Variants in IFFO1 observed in about 807,000 individuals in gnomAD.
IFFO1 encodes the protein non-homologous end joining factor IFFO1.
A neutral mutation model predicts 59.6 loss-of-function variants in IFFO1; 42 were observed. The ratio of observed to expected loss-of-function variants is 0.70; its 90% CI spans 0.55 to 0.91. The LOEUF (loss-of-function observed/expected upper bound fraction) is 0.91. IFFO1 is among the 40% of genes least tolerant of loss of function. The probability of loss-of-function intolerance (pLI) is 0.00; values close to 1 mark genes in which losing one functional copy is unlikely to be tolerated. For missense variants in IFFO1, 711 were observed against 793.2 expected, an observed-to-expected ratio of 0.90 and a Z score of 1.24; for synonymous variants, 336 against 342.8, an observed-to-expected ratio of 0.98 and a Z score of 0.22.
rs780561596 is a variant in IFFO1 at position 6,555,209 on chromosome 12, G to T, written c.773+48C>A. 6.3e-7 allele frequency: 1 copy of T among 1,586,914 alleles called. No individual in the cohort carries two copies. On this transcript the variant is annotated intron_variant, in intron 1 of 9. Transcript: ENST00000619571. This position sits in a 1 kb window ranked among gnomAD's most constrained non-coding sequence, Gnocchi z 8.6. ...AACCCACACCAACTCGCGGCCCGTT[G>T]TGAGTGGTATGACACAGAGAGACCT... is the stretch of plus-strand genomic sequence containing the variant.
chr12:6,540,424 C>T lies in IFFO1; in HGVS notation c.*59G>A. On this transcript the variant is annotated 3_prime_UTR_variant, in exon 10 of 10. Coordinates refer to ENST00000619571, the MANE Select transcript of IFFO1 (RefSeq NM_001193457.2). ...GATGTTCCCCTCTGTGCAGCCCCAC[C>T]CTCTGCCTCGCTGAGCTCCCTGCTG... 5.8e-6 allele frequency: 8 copies of T among 1,369,144 alleles called. No individual in the cohort carries two copies. The highest frequency in any genetic ancestry group is 8.4e-6 in the Non-Finnish European group (8 of 957,334). The allele number at this position is 1,369,144 out of a possible 1,614,324, so 84.8% of individuals were successfully genotyped here.
At chr12:6,551,591 C>T (rs1226501495) in intron 1 of IFFO1, 3 of 676,718 alleles carry the variant, frequency 4.4e-6, no homozygotes, top group Non-Finnish European at 7.0e-6. Flanking sequence ...CAGAAACTAC[C>T]CACCCAGAGC....
chr12:6,547,673 CT>C (rs1947025522), intron 8 of IFFO1, among the ~76,000 whole-genome samples: 2 of 145,464 alleles, frequency 1.4e-5, no homozygotes, highest in South Asian at 4.6e-4. Context: ...AGAGTGAGAC[CT>C]TGTCTCAAAA....
chr12:6,555,482 G>T lies in IFFO1; in HGVS notation c.548C>A (p.Thr183Asn). 4 of 1,607,780 alleles carry T rather than the reference G, an allele frequency of 2.5e-6. No individual in the cohort carries two copies. Among genetic ancestry groups the T allele is most frequent in the Non-Finnish European group, 2.5e-6 (3 of 1,177,120 alleles). Residue 183 changes from threonine (T) to asparagine (N), a missense_variant, in exon 1 of 10, where the codon ACC becomes AAC. This residue lies in a region of IFFO1 where 579 missense variants were observed against 650.3 expected (regional missense o/e 0.89). Coordinates refer to ENST00000619571, the MANE Select transcript of IFFO1 (RefSeq NM_001193457.2). The surrounding 1 kb of genome is among the most constrained non-coding windows in gnomAD (Gnocchi z 8.6). ...GAAGCGGGCCGACGAGGAATAGGTG[G>T]TGGAGGTGGAGGTGGAGGACGACGA... ...SLSSSSTSTS[T>N]TYSSSARFMP...
chr12:6,540,041 G>A lies in IFFO1; in HGVS notation c.*442C>T, dbSNP rs548849363. On this transcript the variant is annotated 3_prime_UTR_variant, in exon 10 of 10. Transcript: ENST00000619571. ...GCTGCGTGTGCTGCAGAGGCCATGC[G>A]TAGCCTCCAGCTGCATTCTATTCCA... The A allele has an allele frequency of 9.1e-6, 2 of 219,640 alleles. No individual in the cohort carries two copies. The highest frequency in any genetic ancestry group is 1.5e-4 in the East Asian group (1 of 6,828). The allele number at this position is 219,640 out of a possible 1,614,324, so 13.6% of individuals were successfully genotyped here. A position where few individuals can be genotyped will look rare whatever the true frequency, so the allele number is the denominator to read the frequency against.
At chr12:6,540,634 T>A (rs1426989643) in intron 9 of IFFO1, 46 bp from the exon 10 acceptor site, 4 of 1,508,192 alleles carry the variant, frequency 2.7e-6, no homozygotes, top group Admixed American at 1.7e-5. Context: ...GCAGGAATCC[T>A]GAAGACGGAC....
intron 1 of IFFO1, among the ~76,000 whole-genome samples, chr12:6,554,156 G>A (rs1481340352): frequency 2.0e-5 from 3 of 150,646 alleles, no homozygotes; most frequent in East Asian, 3.9e-4. Context: ...CCTGAAGGTC[G>A]CCCCTAGACC....
rs1947424217 is a variant in IFFO1 at position 6,555,855 on chromosome 12, C to T, written c.175G>A (p.Ala59Thr). ...CGGAGGGCCATGGCGGCAGGCGGGG[C>T]CGGGCCCGGCCCGGGCGGCGAGTAG... is the stretch of plus-strand genomic sequence containing the variant. ...AAYSPPGPGP[A>T]PPAAMALRND... is the part of the protein sequence containing the mutation. The change falls in exon 1 of 10, where the codon GCC becomes ACC. Residue 59 changes from alanine (A) to threonine (T), a missense_variant. Ala to Thr is a moderately conservative substitution (Grantham distance 58). Coordinates refer to ENST00000619571, the MANE Select transcript of IFFO1 (RefSeq NM_001193457.2). The surrounding 1 kb of genome is among the most constrained non-coding windows in gnomAD (Gnocchi z 8.6). 6.2e-7 allele frequency: 1 copy of T among 1,607,394 alleles called. No individual in the cohort carries two copies. The highest frequency in any genetic ancestry group is 8.5e-7 in the Non-Finnish European group (1 of 1,178,008).
chr12:6,549,307 C>G lies in IFFO1; in HGVS notation c.1080+169G>C. The G allele has an allele frequency of 2.9e-6, 2 of 679,602 alleles. No individual in the cohort carries two copies. The highest frequency in any genetic ancestry group is 2.5e-5 in the East Asian group (1 of 39,726). The allele number at this position is 679,602 out of a possible 1,614,324, so 42.1% of individuals were successfully genotyped here. On this transcript the variant is annotated intron_variant, in intron 5 of 9. Coordinates refer to ENST00000619571, the MANE Select transcript of IFFO1 (RefSeq NM_001193457.2). This position sits in a 1 kb window ranked among gnomAD's most constrained non-coding sequence, Gnocchi z 5.0. ...GAGAAGGGAGAGAAAGAAATGCAGT[C>G]AAGAGAACAAGAGATAGAGAGAAAA...
chr12:6,546,108 G>T (rs1043634110), intron 8 of IFFO1, among the ~76,000 whole-genome samples: 1 of 152,224 alleles, frequency 6.6e-6, no homozygotes, highest in South Asian at 2.1e-4. Context: ...ACTGCAAAAG[G>T]TACCGCCACA....
chr12:6,546,748 C>G (rs1030438707), intron 8 of IFFO1, among the ~76,000 whole-genome samples: 1 of 152,196 alleles, frequency 6.6e-6, no homozygotes, highest in Non-Finnish European at 1.5e-5. Flanking sequence ...CTCGGCCTCC[C>G]AAAGTGCTGG....
At chr12:6,550,507 C>T (rs190971307) in intron 3 of IFFO1, 188 bp downstream of exon 3, 83 of 591,238 alleles carry the variant, frequency 1.4e-4, no homozygotes, top group African/African-American at 1.2e-3. Context: ...ACCTCTGTGA[C>T]GCAACACCGA....
rs1565562573 is a variant in IFFO1 at position 6,541,651 on chromosome 12, G to A, written c.1480-9C>T. ...GCCGTGGCCAACTCCAGCTGTGGTG[G>A]GGCAGGCAGGGCCATCGGGGTTAAC... On this transcript the variant is annotated splice_polypyrimidine_tract_variant and intron_variant, in intron 8 of 9. Coordinates refer to ENST00000619571, the MANE Select transcript of IFFO1 (RefSeq NM_001193457.2). The surrounding 1 kb of genome is among the most constrained non-coding windows in gnomAD (Gnocchi z 4.8). 24 of 1,613,892 alleles carry A rather than the reference G, an allele frequency of 1.5e-5. No homozygotes were observed. Among genetic ancestry groups the A allele is most frequent in the South Asian group, 6.6e-5 (6 of 91,084 alleles).
At chr12:6,551,687 G>A (rs923918025) in intron 1 of IFFO1, 1 of 378,206 alleles carries the variant, frequency 2.6e-6, no homozygotes, top group Admixed American at 3.2e-5. Context: ...GGACACACGA[G>A]CCTGGGGTTA....
Position 6,541,172 on chromosome 12 carries a change from A to T in IFFO1, c.1610+340T>A, listed in dbSNP as rs1250688228. 6.6e-6 allele frequency among the ~76,000 whole-genome samples: 1 copy of T among 152,140 alleles called. No homozygotes were observed. The highest frequency in any genetic ancestry group is 2.4e-5 in the African/African-American group (1 of 41,420). On this transcript the variant is annotated intron_variant, in intron 9 of 9. Coordinates refer to ENST00000619571, the MANE Select transcript of IFFO1 (RefSeq NM_001193457.2). The surrounding 1 kb of genome is among the most constrained non-coding windows in gnomAD (Gnocchi z 4.8). ...ACTTTCTTGTTGCGGTGTAACTTAC[A>T]CAGGGTCAAATGCACAAATCATGGC...
Position 6,555,719 on chromosome 12 carries a change from T to A in IFFO1, c.311A>T (p.Gln104Leu). 6.2e-7 allele frequency: 1 copy of A among 1,612,610 alleles called. No homozygotes were observed. Among genetic ancestry groups the A allele is most frequent in the Non-Finnish European group, 8.5e-7 (1 of 1,179,346 alleles). The change falls in exon 1 of 10, where the codon CAA (glutamine) becomes CTA (leucine). Residue 104 changes from glutamine (Q) to leucine (L), a missense_variant. Transcript: ENST00000619571. The surrounding 1 kb of genome is among the most constrained non-coding windows in gnomAD (Gnocchi z 8.6). ...ACCCTCCTCCAGCGCTTGCTGCAGTTGCTTCTCCAACAGCCGGTTCCGGCG... is the reference window on the plus strand; with the variant it reads ...ACCCTCCTCCAGCGCTTGCTGCAGTAGCTTCTCCAACAGCCGGTTCCGGCG... The part of the protein sequence containing the change: ...LERRNRLLEK[Q>L]LQQALEEGKQ...
At chr12:6,551,087 A>G in intron 1 of IFFO1, 86 bp from the exon 2 acceptor site, 1 of 1,372,180 alleles carries the variant, frequency 7.3e-7, no homozygotes, top group Non-Finnish European at 1.0e-6. Flanking sequence ...TCTCTGGCTC[A>G]GGCCTCAGAC....
At chr12:6,547,339 G>A (rs1454754234) in intron 8 of IFFO1, among the ~76,000 whole-genome samples, 1 of 152,056 alleles carries the variant, frequency 6.6e-6, no homozygotes, top group Admixed American at 6.6e-5. Context: ...CTTGGATCCA[G>A]AAGATCACGG....
At position 6,555,809 on chromosome 12, in the gene IFFO1, A is replaced by G. The variant is rs1490666020; in HGVS notation, c.221T>C (p.Ile74Thr). The G allele has an allele frequency of 6.2e-7, 1 of 1,612,126 alleles. No homozygotes were observed. Among genetic ancestry groups the G allele is most frequent in the Non-Finnish European group, 8.5e-7 (1 of 1,179,120 alleles). Residue 74 changes from isoleucine (I) to threonine (T), a missense_variant, in exon 1 of 10, where the codon ATC becomes ACC. By Grantham distance (89) the Ile-to-Thr change is moderately conservative. Around this residue, in one of 3 missense-constraint regions of IFFO1, gnomAD observed 114 missense variants for 102.4 expected, o/e 1.11. Coordinates refer to ENST00000619571, the MANE Select transcript of IFFO1 (RefSeq NM_001193457.2). This position sits in a 1 kb window ranked among gnomAD's most constrained non-coding sequence, Gnocchi z 8.6. ...GAGGTTCAGGGTCTTGAGCACGTTGATGTTGGAGCCCAGGTCATTGCGGAG... is the reference window on the plus strand; with the variant it reads ...GAGGTTCAGGGTCTTGAGCACGTTGGTGTTGGAGCCCAGGTCATTGCGGAG... ...MALRNDLGSN[I>T]NVLKTLNLRF...
Sources: gnomAD v4.1 joint callset for allele counts (sites outside exome capture counted in the v4.1 genomes callset) on GRCh38, gnomAD v4.1.1 for gene constraint, gnomAD v4.1.1 regional missense constraint, Gnocchi (gnomAD v3.1) non-coding constraint, MANE v1.5 for transcripts, NCBI Gene and HGNC (gene_info 2026-07-23, HGNC 2026-07-21) for gene names.